The following ITGA2 variants were observed in gnomAD, a reference collection of about 807,000 sequenced individuals.
ITGA2 encodes integrin alpha-2.
ITGA2 carries 101 observed loss-of-function variants against 146.3 expected under a neutral mutation model. The observed-to-expected ratio is 0.69, with a 90% CI of 0.59 to 0.81. The LOEUF (loss-of-function observed/expected upper bound fraction) is 0.81. Ranked by LOEUF, ITGA2 falls within the 40% of genes least tolerant of loss-of-function variation. ITGA2 has a pLI of 0.00. For missense variants in ITGA2, 1,281 were observed against 1,402.7 expected, an observed-to-expected ratio of 0.91 and a Z score of 1.39; for synonymous variants, 477 against 487.1, an observed-to-expected ratio of 0.98 and a Z score of 0.27.
chr5:53,058,092 T>G lies in ITGA2; in HGVS notation c.1164T>G (p.Ser388=), dbSNP rs149911770. 35 of 1,610,022 alleles carry G rather than the reference T, an allele frequency of 2.2e-5. No individual in the cohort carries two copies. In the East Asian group the frequency reaches 4.0e-4, roughly 19 times the overall value. Residue 388 remains serine, a synonymous_variant, in exon 10 of 30, where the codon TCT becomes TCG. Transcript: ENST00000296585. ...AAGTGGGATTCAGTGCAGATTACTC[T>G]TCTCAAAATGTGCGTATATCAGATA... ...MSQVGFSADY[S]SQNDILMLGA... is the part of the protein sequence containing the mutation.
intron 24 of ITGA2, among the ~76,000 whole-genome samples, chr5:53,080,131 A>G (rs1313185746): frequency 6.6e-6 from 1 of 152,136 alleles, no homozygotes; most frequent in East Asian, 1.9e-4. Flanking sequence ...ATTTTTAACC[A>G]TTTATACCAC....
At chr5:53,037,349 T>C (rs781469051) in intron 2 of ITGA2, among the ~76,000 whole-genome samples, 1 of 152,246 alleles carries the variant, frequency 6.6e-6, no homozygotes, top group Non-Finnish European at 1.5e-5. Flanking sequence ...CACATGCCTG[T>C]TCATGCAACT....
At chr5:53,049,601 A>T (rs1744258212) in intron 6 of ITGA2, among the ~76,000 whole-genome samples, 1 of 152,110 alleles carries the variant, frequency 6.6e-6, no homozygotes, top group Non-Finnish European at 1.5e-5. Flanking sequence ...ATAGTTCTTT[A>T]TATTTTAAGA....
chr5:53,086,080 A>AT (rs1746146633), intron 27 of ITGA2, among the ~76,000 whole-genome samples: 1 of 151,458 alleles, frequency 6.6e-6, no homozygotes, highest in South Asian at 2.1e-4. Context: ...AATTTTTTAT[A>AT]TTTTTTAGTA....
intron 2 of ITGA2, among the ~76,000 whole-genome samples, chr5:53,031,649 T>G (rs1444270897): frequency 6.6e-6 from 1 of 152,252 alleles, no homozygotes; most frequent in Non-Finnish European, 1.5e-5. Context: ...ACTTCAACTC[T>G]AGAAACAGTG....
intron 1 of ITGA2, among the ~76,000 whole-genome samples, chr5:53,019,902 G>A (rs1326981303): frequency 6.6e-6 from 1 of 152,038 alleles, no homozygotes; most frequent in Non-Finnish European, 1.5e-5. Flanking sequence ...TAATTGTTCT[G>A]TTTTATTATT....
At chr5:53,029,785 A>G (rs1203774170) in intron 2 of ITGA2, among the ~76,000 whole-genome samples, 1 of 152,250 alleles carries the variant, frequency 6.6e-6, no homozygotes. Flanking sequence ...AGGATCAACA[A>G]TTATTTGTTA....
At chr5:52,999,033 C>G (rs146860137) in intron 1 of ITGA2, among the ~76,000 whole-genome samples, 22 of 152,288 alleles carry the variant, frequency 1.4e-4, no homozygotes, top group African/African-American at 2.2e-4. Flanking sequence ...TTTTTCATAA[C>G]ATGTCTAACT....
At chr5:52,990,845 A>G (rs1442297731) in intron 1 of ITGA2, among the ~76,000 whole-genome samples, 2 of 152,142 alleles carry the variant, frequency 1.3e-5, no homozygotes, top group African/African-American at 4.8e-5. Context: ...GGGGCCACCA[A>G]CCCTAATCTA....
Position 53,080,606 on chromosome 5 carries a change from G to A in ITGA2, c.3024G>A (p.Gly1008=), listed in dbSNP as rs1745876631. The part of the protein sequence containing the change: ...KEKNPLMYLT[G]VQTDKAGDIS... ...AGAACCCACTGATGTACCTAACTGG[G>A]GTGCAAACAGACAAGGTAAAGATTA... is the stretch of plus-strand genomic sequence containing the variant. The change falls in exon 25 of 30, where the codon GGG becomes GGA. Residue 1008 remains glycine, a synonymous_variant. Coordinates refer to ENST00000296585, the MANE Select transcript of ITGA2 (RefSeq NM_002203.4). The A allele has an allele frequency of 6.2e-7, 1 of 1,612,296 alleles. No homozygotes were observed. Among genetic ancestry groups the A allele is most frequent in the South Asian group, 1.1e-5 (1 of 91,062 alleles).
intron 2 of ITGA2, among the ~76,000 whole-genome samples, chr5:53,036,609 A>G (rs1743503777): frequency 6.6e-6 from 1 of 152,112 alleles, no homozygotes; most frequent in Non-Finnish European, 1.5e-5. Flanking sequence ...TCCGATGAAG[A>G]TTATACTGCT....
chr5:53,044,681 A>T (rs1010991205), intron 3 of ITGA2, among the ~76,000 whole-genome samples: 62 of 152,060 alleles, frequency 4.1e-4, no homozygotes, highest in African/African-American at 1.3e-3. Flanking sequence ...TTCAAAAGAG[A>T]GGCAAAAATG....
Position 53,090,900 on chromosome 5 carries a change from C to A in ITGA2, c.*301C>A. ...ATTCTAATTTGCATTGTGTCAGAAA[C>A]ATGAAATGCTTCCAAGCATGACAAC... On this transcript the variant is annotated 3_prime_UTR_variant, in exon 30 of 30. Transcript: ENST00000296585. 1.8e-6 allele frequency: 1 copy of A among 568,040 alleles called. No individual in the cohort carries two copies. The highest frequency in any genetic ancestry group is 3.1e-6 in the Non-Finnish European group (1 of 320,626). The allele number at this position is 568,040 out of a possible 1,614,324, so 35.2% of individuals were successfully genotyped here.
chr5:53,041,029 A>G lies in ITGA2; in HGVS notation c.186-1083A>G, dbSNP rs1334656934. On this transcript the variant is annotated intron_variant, in intron 2 of 29. Coordinates refer to ENST00000296585, the MANE Select transcript of ITGA2 (RefSeq NM_002203.4). ...TCTACCGTACCTCAACATGGGGCAT[A>G]TGTTGTTTAAATGATAATTATAAAA... 3.9e-5 allele frequency among the ~76,000 whole-genome samples: 6 copies of G among 152,258 alleles called. No individual in the cohort carries two copies. The East Asian group carries it at 1.2e-3, about 29-fold the overall frequency.
intron 1 of ITGA2, among the ~76,000 whole-genome samples, chr5:53,013,262 G>A (rs1416594166): frequency 6.6e-6 from 1 of 152,028 alleles, no homozygotes; most frequent in East Asian, 1.9e-4. Flanking sequence ...TCTATCTTGA[G>A]TTGATTTTTG....
intron 13 of ITGA2, 51 bp from the exon 14 acceptor site, chr5:53,064,861 A>G: frequency 6.4e-7 from 1 of 1,553,636 alleles, no homozygotes; most frequent in East Asian, 2.2e-5. Context: ...AATTTTAATT[A>G]TACAAGTTGT....
chr5:53,036,076 CAT>C (rs1743480198), intron 2 of ITGA2, among the ~76,000 whole-genome samples: 1 of 151,524 alleles, frequency 6.6e-6, no homozygotes, highest in African/African-American at 2.4e-5. Context: ...TTCATTCATT[CAT>C]TGAAAGACCA....
chr5:53,043,519 C>T (rs974085776), intron 3 of ITGA2, among the ~76,000 whole-genome samples: 3 of 151,986 alleles, frequency 2.0e-5, no homozygotes, highest in Non-Finnish European at 2.9e-5. Flanking sequence ...ATAAATCCAC[C>T]AGTGTTATGG....
chr5:53,083,025 T>C (rs1745999291), intron 26 of ITGA2, among the ~76,000 whole-genome samples: 1 of 152,164 alleles, frequency 6.6e-6, no homozygotes, highest in Non-Finnish European at 1.5e-5. Flanking sequence ...TTTAGGTTTT[T>C]TTACTCTTAG....
Sources: allele counts gnomAD v4.1 joint callset (sites outside exome capture counted in the v4.1 genomes callset), GRCh38; gene constraint gnomAD v4.1.1; transcripts MANE v1.5; gene names NCBI Gene and HGNC (gene_info 2026-07-23, HGNC 2026-07-21).